ABL1: variants seen among roughly 807,000 people sequenced by gnomAD.
ABL1 encodes the protein ABL proto-oncogene 1, non-receptor tyrosine kinase.
ABL1 carries 11 observed loss-of-function variants against 94.7 expected under a neutral mutation model. The observed-to-expected ratio is 0.12, with a 90% confidence interval of 0.07 to 0.19. The LOEUF is 0.19. Ranked by LOEUF, ABL1 falls within the 10% of genes least tolerant of loss-of-function variation. The pLI, the probability that ABL1 is intolerant of heterozygous loss-of-function variation, is 1.00. For missense variants in ABL1, 1,082 were observed against 1,489.4 expected (o/e 0.73, Z 4.50); for synonymous variants, 656 against 622.4 (o/e 1.05, Z -0.80).
chr9:130,882,305 G>T (rs1041660109), intron 10 of ABL1, among the ~76,000 whole-genome samples: 5 of 152,152 alleles, frequency 3.3e-5, no homozygotes, highest in African/African-American at 7.2e-5. Context: ...GAAACTGAGT[G>T]GTGCATAATT....
At position 130,863,985 on chromosome 9, in the gene ABL1, C is replaced by T. The variant is rs896387691; in HGVS notation, c.822+950C>T. 6.6e-6 allele frequency among the ~76,000 whole-genome samples: 1 copy of T among 152,182 alleles called. No homozygotes were observed. The highest frequency in any genetic ancestry group is 1.5e-5 in the Non-Finnish European group (1 of 68,034). On this transcript the variant is annotated intron_variant, in intron 4 of 10. Coordinates refer to ENST00000318560, the MANE Select transcript of ABL1 (RefSeq NM_005157.6). This position sits in a 1 kb window ranked among gnomAD's most constrained non-coding sequence, Gnocchi z 4.3. ...TCAGGTGCACACATTGAGACTGGTGCAGCCACATGCCTGCCTTTTAGGGAC... is the reference window on the plus strand; with the variant it reads ...TCAGGTGCACACATTGAGACTGGTGTAGCCACATGCCTGCCTTTTAGGGAC...
chr9:130,852,330 G>A (rs1347860205), intron 1 of ABL1, among the ~76,000 whole-genome samples: 7 of 152,022 alleles, frequency 4.6e-5, no homozygotes, highest in South Asian at 4.1e-4. Flanking sequence ...GCTGGGACTA[G>A]TAGCTGGAAC....
intron 1 of ABL1, among the ~76,000 whole-genome samples, chr9:130,803,243 T>C (rs2132835242): frequency 6.6e-6 from 1 of 152,280 alleles, no homozygotes; most frequent in South Asian, 2.1e-4. Flanking sequence ...TTTTGCCATG[T>C]TGGCCAGGCT....
At chr9:130,735,820 A>C (rs1831727950) in intron 1 of ABL1, among the ~76,000 whole-genome samples, 1 of 151,148 alleles carries the variant, frequency 6.6e-6, no homozygotes, top group Non-Finnish European at 1.5e-5. Context: ...TTAAGGGTAC[A>C]TGCGTTTGTC....
At chr9:130,758,848 G>A (rs1027548742) in intron 1 of ABL1, among the ~76,000 whole-genome samples, 1 of 152,200 alleles carries the variant, frequency 6.6e-6, no homozygotes. Context: ...GCAGTTTTCG[G>A]TGCATCTCAT....
chr9:130,728,473 C>T (rs1465949038), intron 1 of ABL1, among the ~76,000 whole-genome samples: 4 of 150,294 alleles, frequency 2.7e-5, no homozygotes, highest in Non-Finnish European at 4.4e-5. Context: ...ACAAGCTCCA[C>T]CTCCTGGGTT....
intron 1 of ABL1, among the ~76,000 whole-genome samples, chr9:130,761,926 T>G (rs1352696645): frequency 6.6e-6 from 1 of 152,036 alleles, no homozygotes; most frequent in African/African-American, 2.4e-5. Flanking sequence ...GTGGATCACC[T>G]GAGGTCGGGA....
intron 3 of ABL1, among the ~76,000 whole-genome samples, chr9:130,859,680 T>TC (rs1185808601): frequency 3.1e-5 from 3 of 96,558 alleles, no homozygotes; most frequent in African/African-American, 1.7e-4. Context: ...TTCTTTCCTT[T>TC]TTTTTTTTTT....
chr9:130,880,567 G>A lies in ABL1; in HGVS notation c.1581G>A (p.Glu527=). The change falls in exon 10 of 11, where the codon GAG becomes GAA. Residue 527 remains glutamate, a synonymous_variant. Coordinates refer to ENST00000318560, the MANE Select transcript of ABL1 (RefSeq NM_005157.6). This position sits in a 1 kb window ranked among gnomAD's most constrained non-coding sequence, Gnocchi z 4.4. ...GAVSTLLQAP[E]LPTKTRTSRR... ...TGAGTACCTTGCTGCAGGCCCCAGA[G>A]CTGCCCACCAAGACGAGGACCTCCA... 1.2e-6 allele frequency: 2 copies of A among 1,613,932 alleles called. No homozygotes were observed. Among genetic ancestry groups the A allele is most frequent in the Non-Finnish European group, 1.7e-6 (2 of 1,179,922 alleles).
At chr9:130,715,201 T>C (rs1356184588) in intron 1 of ABL1, among the ~76,000 whole-genome samples, 1 of 152,246 alleles carries the variant, frequency 6.6e-6, no homozygotes. Context: ...ATGTTGTTCA[T>C]GTCCAGTAAT....
At chr9:130,800,894 C>A (rs1830045579) in intron 1 of ABL1, among the ~76,000 whole-genome samples, 3 of 149,272 alleles carry the variant, frequency 2.0e-5, no homozygotes, top group African/African-American at 4.9e-5. Flanking sequence ...TCCCTACCTT[C>A]TTTTCTATTT....
chr9:130,735,965 T>C (rs868272614), intron 1 of ABL1, among the ~76,000 whole-genome samples: 1 of 104,040 alleles, frequency 9.6e-6, no homozygotes, highest in Non-Finnish European at 1.9e-5. Flanking sequence ...ATATATATTT[T>C]TTTTTTTTAA....
At chr9:130,867,772 C>G (rs988269672) in intron 4 of ABL1, among the ~76,000 whole-genome samples, 2 of 152,212 alleles carry the variant, frequency 1.3e-5, no homozygotes, top group Admixed American at 1.3e-4. Flanking sequence ...GTTGCACTTG[C>G]TCTTGCAAGA....
intron 1 of ABL1, among the ~76,000 whole-genome samples, chr9:130,792,918 C>T (rs1275634845): frequency 6.6e-6 from 1 of 152,146 alleles, no homozygotes; most frequent in East Asian, 1.9e-4. Flanking sequence ...CAAAATGCTA[C>T]CAAAGGGTAA....
intron 1 of ABL1, among the ~76,000 whole-genome samples, chr9:130,738,034 A>G (rs1831767662): frequency 6.6e-6 from 1 of 151,824 alleles, no homozygotes; most frequent in Non-Finnish European, 1.5e-5. Flanking sequence ...GTTTCACCAT[A>G]TTGGTTAGGC....
chr9:130,816,211 C>T (rs1830284331), intron 1 of ABL1, among the ~76,000 whole-genome samples: 1 of 152,156 alleles, frequency 6.6e-6, no homozygotes, highest in African/African-American at 2.4e-5. Flanking sequence ...TGCCCAGGGC[C>T]TTTGCACTTG....
intron 1 of ABL1, among the ~76,000 whole-genome samples, chr9:130,743,956 G>A (rs1398168652): frequency 6.6e-6 from 1 of 152,066 alleles, no homozygotes; most frequent in Non-Finnish European, 1.5e-5. Flanking sequence ...GATTGGAAGC[G>A]GGTGTGTTTC....
chr9:130,740,361 G>T (rs148951556), intron 1 of ABL1, among the ~76,000 whole-genome samples: 2 of 152,334 alleles, frequency 1.3e-5, no homozygotes. Flanking sequence ...CTGGAGAGCC[G>T]CTGGGCGGCA....
intron 1 of ABL1, among the ~76,000 whole-genome samples, chr9:130,800,928 C>CTTTTTTTTTTTTTTT (rs5900906): frequency 7.8e-6 from 1 of 128,776 alleles, no homozygotes. Context: ...TTTTTCTTTC[C>CTTTTTTTTTTTTTTT]TTTTTTTTTT....
Sources: allele counts gnomAD v4.1 joint callset (sites outside exome capture counted in the v4.1 genomes callset), GRCh38; gene constraint gnomAD v4.1.1; non-coding constraint Gnocchi (gnomAD v3.1); transcripts MANE v1.5; gene names NCBI Gene and HGNC (gene_info 2026-07-23, HGNC 2026-07-21).